GRIK1: variants seen among roughly 807,000 people sequenced by gnomAD.
GRIK1 encodes glutamate receptor ionotropic, kainate 1.
A neutral mutation model predicts 105.7 loss-of-function variants in GRIK1; 69 were observed. That is an observed-to-expected ratio of 0.65 (90% CI 0.54 to 0.80). The LOEUF (loss-of-function observed/expected upper bound fraction) is 0.80, where lower values mean the gene tolerates loss of function less well. Among genes scored for constraint, GRIK1 ranks in the 30% least tolerant of loss-of-function variants. GRIK1 has a pLI of 0.00. For synonymous variants in GRIK1, 438 were observed against 431.3 expected (o/e 1.02, Z -0.19); for missense variants, 1,109 against 1,167.3 (o/e 0.95, Z 0.73).
At position 29,927,548 on chromosome 21, in the gene GRIK1, A is replaced by C. The variant is rs574748313; in HGVS notation, c.118+11835T>G. Among the ~76,000 whole-genome samples, 477 of 150,328 alleles carry C rather than the reference A, an allele frequency of 3.2e-3. 4 individuals are homozygous for C. The highest frequency in any genetic ancestry group is 0.011 in the African/African-American group (434 of 41,186). ...CTGTAATAAATGCAGCCATATACAC[A>C]CTTATTATATTATATATTATTTATA... On this transcript the variant is annotated intron_variant, in intron 1 of 17. Coordinates refer to ENST00000327783, the MANE Select transcript of GRIK1 (RefSeq NM_001330994.2).
intron 1 of GRIK1, among the ~76,000 whole-genome samples, chr21:29,734,426 T>TTTTCTTTTC (rs1284335668): frequency 0.04 from 844 of 20,908 alleles, 103 homozygotes; most frequent in Non-Finnish European, 0.048. Flanking sequence ...CTTTTCTTTT[T>TTTTCTTTTC]GAGACAGAGT....
In GRIK1 at chr21:29,682,433, G is replaced by A. The variant is rs142409345; in HGVS notation, c.544+7295C>T. ...TATCCATAGGTAAATTTTAGAACAGGAAAGTTCCTATTTGAAGCACCCTGT... is the reference window on the plus strand; with the variant it reads ...TATCCATAGGTAAATTTTAGAACAGAAAAGTTCCTATTTGAAGCACCCTGT... On this transcript the variant is annotated intron_variant, in intron 3 of 17. Transcript: ENST00000327783. Among the ~76,000 whole-genome samples, 263 of 152,290 alleles carry A rather than the reference G, an allele frequency of 1.7e-3. 2 individuals carry two copies. Among genetic ancestry groups the A allele is most frequent in the African/African-American group, 6.1e-3 (252 of 41,566 alleles).
At chr21:29,638,989 G>A (rs2062454138) in intron 7 of GRIK1, among the ~76,000 whole-genome samples, 1 of 152,218 alleles carries the variant, frequency 6.6e-6, no homozygotes, top group Non-Finnish European at 1.5e-5. Context: ...ACAGCAAAGT[G>A]TGATGAAATC....
At chr21:29,613,624 T>C (rs889705005) in intron 7 of GRIK1, among the ~76,000 whole-genome samples, 2 of 152,268 alleles carry the variant, frequency 1.3e-5, no homozygotes, top group East Asian at 3.9e-4. Flanking sequence ...CCACCACCCA[T>C]ATACAGGAAA....
chr21:29,711,535 CTGTT>C (rs2064049315), intron 1 of GRIK1, among the ~76,000 whole-genome samples: 1 of 151,898 alleles, frequency 6.6e-6, no homozygotes, highest in Non-Finnish European at 1.5e-5. Flanking sequence ...ACCAAGGAAT[CTGTT>C]TGTCTTTTTG....
At chr21:29,840,866 A>C (rs1056938452) in intron 1 of GRIK1, among the ~76,000 whole-genome samples, 1 of 152,134 alleles carries the variant, frequency 6.6e-6, no homozygotes, top group Non-Finnish European at 1.5e-5. Flanking sequence ...AATTTTACAA[A>C]ATACACACAA....
intron 7 of GRIK1, among the ~76,000 whole-genome samples, chr21:29,612,047 T>G (rs776306645): frequency 6.6e-6 from 1 of 152,158 alleles, no homozygotes; most frequent in African/African-American, 2.4e-5. Flanking sequence ...TGCAAGTCAA[T>G]GTCACAAGGC....
intron 1 of GRIK1, among the ~76,000 whole-genome samples, chr21:29,795,824 ATCTTTTCTTTTG>A (rs1169150677): frequency 6.6e-6 from 1 of 152,074 alleles, no homozygotes; most frequent in East Asian, 1.9e-4. Flanking sequence ...CATATCATGA[ATCTTTTCTTTTG>A]ATAGTGAGGC....
At chr21:29,809,685 A>G (rs77193244) in intron 1 of GRIK1, among the ~76,000 whole-genome samples, 6,509 of 152,262 alleles carry the variant, frequency 0.043, 199 homozygotes, top group Non-Finnish European at 0.066. Flanking sequence ...CAACTTGACT[A>G]ATTGGTGCAA....
At chr21:29,566,743 A>G (rs1226623558) in intron 14 of GRIK1, among the ~76,000 whole-genome samples, 1 of 152,178 alleles carries the variant, frequency 6.6e-6, no homozygotes, top group African/African-American at 2.4e-5. Context: ...TCGAATCTTC[A>G]CGGTAATCAT....
chr21:29,637,284 A>T (rs1023313597), intron 7 of GRIK1, among the ~76,000 whole-genome samples: 3 of 152,150 alleles, frequency 2.0e-5, no homozygotes, highest in African/African-American at 4.8e-5. Context: ...TTCTTTCCAG[A>T]TGCTTCAGTG....
At chr21:29,660,300 G>A (rs891704380) in intron 4 of GRIK1, among the ~76,000 whole-genome samples, 1 of 152,174 alleles carries the variant, frequency 6.6e-6, no homozygotes, top group Non-Finnish European at 1.5e-5. Context: ...TGTCTTGTGA[G>A]TCCTCAATGA....
intron 6 of GRIK1, among the ~76,000 whole-genome samples, chr21:29,650,506 G>C (rs2062709417): frequency 6.6e-6 from 1 of 152,154 alleles, no homozygotes; most frequent in African/African-American, 2.4e-5. Flanking sequence ...ATGATGTTAG[G>C]GAGAAGCTCT....
intron 10 of GRIK1, among the ~76,000 whole-genome samples, chr21:29,589,445 G>A (rs1173267482): frequency 2.7e-5 from 4 of 146,804 alleles, no homozygotes; most frequent in African/African-American, 5.1e-5. Context: ...TTTTTCTGAC[G>A]GAATCTCACT....
intron 1 of GRIK1, among the ~76,000 whole-genome samples, chr21:29,767,812 A>ATGTG (rs754801254): frequency 1.1e-3 from 160 of 145,818 alleles, no homozygotes; most frequent in African/African-American, 3.6e-3. Context: ...ATTTGTATGT[A>ATGTG]TGTGTGTGTG....
intron 1 of GRIK1, among the ~76,000 whole-genome samples, chr21:29,849,968 C>G (rs1036798012): frequency 1.3e-5 from 2 of 152,160 alleles, no homozygotes; most frequent in African/African-American, 2.4e-5. Context: ...CTCTCTCACC[C>G]TCTCATATGT....
At chr21:29,898,665 CAATT>C (rs1376201676) in intron 1 of GRIK1, among the ~76,000 whole-genome samples, 2 of 152,152 alleles carry the variant, frequency 1.3e-5, no homozygotes, top group African/African-American at 4.8e-5. Flanking sequence ...AACAAAAAGA[CAATT>C]AATAGTTCTT....
chr21:29,897,605 A>G (rs1231485576), intron 1 of GRIK1, among the ~76,000 whole-genome samples: 1 of 152,232 alleles, frequency 6.6e-6, no homozygotes, highest in Non-Finnish European at 1.5e-5. Flanking sequence ...AAATTTGAAA[A>G]GCTGCAGAAG....
intron 6 of GRIK1, 107 bp downstream of exon 6, chr21:29,651,011 A>T: frequency 1.3e-6 from 1 of 776,334 alleles, no homozygotes; most frequent in Non-Finnish European, 1.9e-6. Context: ...CTGCAAGTCA[A>T]GGCACCCACT....
Sources: gnomAD v4.1 joint callset for allele counts (sites outside exome capture counted in the v4.1 genomes callset) on GRCh38, gnomAD v4.1.1 for gene constraint, MANE v1.5 for transcripts, NCBI Gene and HGNC (gene_info 2026-07-23, HGNC 2026-07-21) for gene names.